Variants in ALDH1L2 observed in about 807,000 individuals in gnomAD.
ALDH1L2 encodes the protein mitochondrial 10-formyltetrahydrofolate dehydrogenase.
In ALDH1L2, 91 loss-of-function variants were observed where a neutral mutation model predicts 111.0. That is an observed-to-expected ratio of 0.82 (90% CI 0.69 to 0.98). The LOEUF is 0.98. Among genes scored for constraint, ALDH1L2 ranks in the 50% least tolerant of loss-of-function variants. The pLI is 0.00. For synonymous variants in ALDH1L2, 374 were observed against 392.6 expected, an observed-to-expected ratio of 0.95 and a Z score of 0.56; for missense variants, 995 against 1,126.8, an observed-to-expected ratio of 0.88 and a Z score of 1.67.
At chr12:105,065,600 T>C (rs1434231621) in intron 5 of ALDH1L2, among the ~76,000 whole-genome samples, 1 of 152,176 alleles carries the variant, frequency 6.6e-6, no homozygotes, top group African/African-American at 2.4e-5. Flanking sequence ...AAAGATGAAG[T>C]AGAGCGGGCT....
intron 19 of ALDH1L2, 139 bp downstream of exon 19, chr12:105,034,161 A>T: frequency 2.7e-6 from 2 of 754,540 alleles, no homozygotes; most frequent in Non-Finnish European, 2.1e-6. Context: ...CTATAAAAAA[A>T]CTAGGGACTG....
chr12:105,069,128 C>T (rs1438536898), intron 3 of ALDH1L2, among the ~76,000 whole-genome samples: 3 of 152,088 alleles, frequency 2.0e-5, no homozygotes, highest in African/African-American at 7.2e-5. Context: ...TAATGACTTG[C>T]AGTGAATTTA....
chr12:105,054,049 G>T (rs1364183154), intron 10 of ALDH1L2, among the ~76,000 whole-genome samples: 1 of 151,694 alleles, frequency 6.6e-6, no homozygotes, highest in Non-Finnish European at 1.5e-5. Flanking sequence ...CTATAAATAG[G>T]GTAAAAATAA....
At chr12:105,046,483 ATGCT>A (rs966323209) in intron 15 of ALDH1L2, among the ~76,000 whole-genome samples, 9 of 151,846 alleles carry the variant, frequency 5.9e-5, no homozygotes, top group Non-Finnish European at 1.2e-4. Flanking sequence ...GATGTGCACC[ATGCT>A]TGCTTCTATT....
intron 1 of ALDH1L2, among the ~76,000 whole-genome samples, chr12:105,078,450 C>T (rs748376829): frequency 6.6e-6 from 1 of 152,108 alleles, no homozygotes; most frequent in Non-Finnish European, 1.5e-5. Context: ...CAGAGCAAGA[C>T]TCTGTCTCAA....
At chr12:105,053,066 T>C (rs563928113) in intron 10 of ALDH1L2, 135 bp from the exon 11 acceptor site, 15 of 1,080,474 alleles carry the variant, frequency 1.4e-5, no homozygotes, top group Admixed American at 2.4e-5. Flanking sequence ...ACAGAAGACA[T>C]GCATATGTGA....
chr12:105,081,597 G>C (rs1431030340), intron 1 of ALDH1L2, among the ~76,000 whole-genome samples: 2 of 152,190 alleles, frequency 1.3e-5, no homozygotes, highest in East Asian at 3.8e-4. Context: ...ACCACAGGGA[G>C]AAGAAGCAGT....
At chr12:105,045,276 G>A (rs530290188) in intron 15 of ALDH1L2, among the ~76,000 whole-genome samples, 2 of 152,122 alleles carry the variant, frequency 1.3e-5, no homozygotes, top group East Asian at 3.9e-4. Flanking sequence ...GTAGAGATGG[G>A]GTTTCACCAT....
At chr12:105,036,514 TTATATATATATATATATA>T (rs1182802302) in intron 18 of ALDH1L2, among the ~76,000 whole-genome samples, 816 of 23,624 alleles carry the variant, frequency 0.035, 51 homozygotes, top group Non-Finnish European at 0.054. Context: ...TATATATATT[TTATATATATATATATATA>T]TATATATATA....
chr12:105,080,836 C>A (rs955952705), intron 1 of ALDH1L2, among the ~76,000 whole-genome samples: 4 of 152,184 alleles, frequency 2.6e-5, no homozygotes, highest in African/African-American at 9.7e-5. Context: ...GGATGCTTAA[C>A]CTAGTACCTA....
chr12:105,061,095 T>C (rs766636237), intron 8 of ALDH1L2, 23 bp from the exon 9 acceptor site: 4 of 1,592,898 alleles, frequency 2.5e-6, no homozygotes, highest in East Asian at 2.2e-5. Flanking sequence ...GAAACTCTTA[T>C]GAGGGAAGTG....
At chr12:105,035,064 C>T (rs1016703852) in intron 18 of ALDH1L2, among the ~76,000 whole-genome samples, 1 of 152,078 alleles carries the variant, frequency 6.6e-6, no homozygotes, top group Non-Finnish European at 1.5e-5. Context: ...CCCACTCTCT[C>T]TAGCCTCCCA....
intron 22 of ALDH1L2, among the ~76,000 whole-genome samples, chr12:105,026,215 C>T (rs1874399709): frequency 6.6e-6 from 1 of 152,106 alleles, no homozygotes; most frequent in South Asian, 2.1e-4. Flanking sequence ...CATTTAGTCT[C>T]GTGACAGCTA....
At chr12:105,069,634 A>G (rs1301288165) in intron 3 of ALDH1L2, among the ~76,000 whole-genome samples, 1 of 152,224 alleles carries the variant, frequency 6.6e-6, no homozygotes, top group Non-Finnish European at 1.5e-5. Flanking sequence ...AAAAGAAATC[A>G]ATCCATGTCA....
Position 105,084,265 on chromosome 12 carries a change from T to C in ALDH1L2, c.48+124A>G, listed in dbSNP as rs191623840. 69 of 1,124,338 alleles carry C rather than the reference T, an allele frequency of 6.1e-5. No homozygotes were observed. The African/African-American group carries it at 1.1e-3, about 17-fold the overall frequency. 69.6% of individuals were successfully genotyped at this position (1,124,338 alleles called of 1,614,324 possible). A position where few individuals can be genotyped will look rare whatever the true frequency, so the allele number is the denominator to read the frequency against. On this transcript the variant is annotated intron_variant, in intron 1 of 22. Transcript: ENST00000258494. Reference sequence around the variant, plus strand: ...TTGTTTGTTTGTTTTAAACGCTGTCTTGGTGTTTAGCAAAGTCTAAGCATC... The same window carrying C: ...TTGTTTGTTTGTTTTAAACGCTGTCCTGGTGTTTAGCAAAGTCTAAGCATC...
chr12:105,041,657 C>A lies in ALDH1L2; in HGVS notation c.1864-963G>T, dbSNP rs116352466. On this transcript the variant is annotated intron_variant, in intron 15 of 22. Transcript: ENST00000258494. Reference sequence around the variant, plus strand: ...GTTGCCAAATGGTGATTTTCCAATTCCCTCATTCCTTTTACGTGTAGTAGT... The same window carrying A: ...GTTGCCAAATGGTGATTTTCCAATTACCTCATTCCTTTTACGTGTAGTAGT... Among the ~76,000 whole-genome samples, 598 of 152,254 alleles carry A rather than the reference C, an allele frequency of 3.9e-3. 4 individuals are homozygous for A. Among genetic ancestry groups the A allele is most frequent in the African/African-American group, 0.014 (572 of 41,538 alleles).
intron 15 of ALDH1L2, 65 bp downstream of exon 15, chr12:105,046,645 C>T (rs1875934316): frequency 7.3e-7 from 1 of 1,377,530 alleles, no homozygotes; most frequent in East Asian, 2.4e-5. Flanking sequence ...AAATATATTT[C>T]ACTTTTTTGA....
intron 18 of ALDH1L2, among the ~76,000 whole-genome samples, chr12:105,034,983 C>T (rs1015102453): frequency 2.1e-5 from 3 of 139,880 alleles, no homozygotes; most frequent in African/African-American, 8.9e-5. Context: ...GATTCCATCT[C>T]ATAAATAAAT....
chr12:105,059,822 G>A (rs1876880413), intron 9 of ALDH1L2, among the ~76,000 whole-genome samples: 2 of 152,178 alleles, frequency 1.3e-5, no homozygotes, highest in African/African-American at 4.8e-5. Flanking sequence ...ATTTTATCAA[G>A]AGGAGGAACA....
Sources: gnomAD v4.1 joint callset for allele counts (sites outside exome capture counted in the v4.1 genomes callset) on GRCh38, gnomAD v4.1.1 for gene constraint, MANE v1.5 for transcripts, NCBI Gene and HGNC (gene_info 2026-07-23, HGNC 2026-07-21) for gene names.